Variants in XPO1 observed in about 807,000 individuals in gnomAD.
The protein encoded by XPO1 is exportin 1, also known as exportin-1.
XPO1 carries 5 observed loss-of-function variants against 133.3 expected under a neutral mutation model. That is an observed-to-expected ratio of 0.04 (90% CI 0.02 to 0.08). The LOEUF (loss-of-function observed/expected upper bound fraction) is 0.08. Ranked by LOEUF, XPO1 falls within the 10% of genes least tolerant of loss-of-function variation. The pLI, the probability that XPO1 is intolerant of heterozygous loss-of-function variation, is 1.00. For synonymous variants in XPO1, 419 were observed against 408.2 expected, an observed-to-expected ratio of 1.03 and a Z score of -0.32; for missense variants, 506 against 1,267.5, an observed-to-expected ratio of 0.40 and a Z score of 9.12.
intron 23 of XPO1, among the ~76,000 whole-genome samples, chr2:61,482,033 C>CTTTTTTTTTGTTTTTTTTTTTTTTTTTTT (rs1491506588): frequency 1.2e-5 from 1 of 86,820 alleles, no homozygotes; most frequent in African/African-American, 3.6e-5. Flanking sequence ...CCGTGCGTGG[C>CTTTTTTTTTGTTTTTTTTTTTTTTTTTTT]CTTTTTTTTT....
intron 4 of XPO1, among the ~76,000 whole-genome samples, chr2:61,507,641 G>A (rs905002906): frequency 2.0e-5 from 3 of 152,068 alleles, no homozygotes; most frequent in African/African-American, 7.2e-5. Flanking sequence ...ACTTTGGGAG[G>A]CTGAGGTGGG....
chr2:61,530,988 T>C (rs1435142569), intron 2 of XPO1, among the ~76,000 whole-genome samples: 2 of 152,168 alleles, frequency 1.3e-5, no homozygotes, highest in Non-Finnish European at 2.9e-5. Flanking sequence ...CAATCTCTTG[T>C]AGGACAGGTC....
At chr2:61,532,943 C>A (rs548825362) in intron 2 of XPO1, among the ~76,000 whole-genome samples, 1 of 151,972 alleles carries the variant, frequency 6.6e-6, no homozygotes, top group Non-Finnish European at 1.5e-5. Flanking sequence ...TTTGGGAGGC[C>A]GAGTCAGGTG....
At chr2:61,485,998 T>G in intron 19 of XPO1, 36 bp from the exon 20 acceptor site, 1 of 1,554,284 alleles carries the variant, frequency 6.4e-7, no homozygotes, top group Non-Finnish European at 8.8e-7. Context: ...TGTTTTAATT[T>G]AGGTACATGG....
At chr2:61,481,353 G>T in intron 23 of XPO1, 72 bp from the exon 24 acceptor site, 1 of 1,178,892 alleles carries the variant, frequency 8.5e-7, no homozygotes, top group Non-Finnish European at 1.2e-6. Context: ...TCTGTCACCA[G>T]GCTGGAGTAC....
chr2:61,478,583 T>C lies in XPO1; in HGVS notation c.*237A>G. ...CAAAAATGGGCATGAAGTAAAATTT[T>C]TAAAAATGCCTTAATTTTCAACTTC... On this transcript the variant is annotated 3_prime_UTR_variant, in exon 25 of 25. Coordinates refer to ENST00000401558, the MANE Select transcript of XPO1 (RefSeq NM_003400.4). 2 of 447,546 alleles carry C rather than the reference T, an allele frequency of 4.5e-6. No individual in the cohort carries two copies. The highest frequency in any genetic ancestry group is 7.5e-6 in the Non-Finnish European group (2 of 266,426). 27.7% of individuals were successfully genotyped at this position (447,546 alleles called of 1,614,324 possible). A position where few individuals can be genotyped will look rare whatever the true frequency, so the allele number is the denominator to read the frequency against.
chr2:61,490,464 G>T (rs1427009860), intron 17 of XPO1, among the ~76,000 whole-genome samples, 178 bp downstream of exon 17: 1 of 152,144 alleles, frequency 6.6e-6, no homozygotes, highest in African/African-American at 2.4e-5. Context: ...CTTCCAATGT[G>T]CCAGGATTAC....
intron 4 of XPO1, among the ~76,000 whole-genome samples, chr2:61,508,611 C>A (rs1350833145): frequency 2.0e-5 from 3 of 152,202 alleles, no homozygotes; most frequent in Non-Finnish European, 2.9e-5. Flanking sequence ...TCTTATCCCT[C>A]AGAAACACCT....
At chr2:61,537,288 A>G (rs1443901075) in intron 1 of XPO1, among the ~76,000 whole-genome samples, 1 of 150,330 alleles carries the variant, frequency 6.7e-6, no homozygotes, top group East Asian at 2.0e-4. Context: ...CTTCACTATC[A>G]CACTCCTCGC....
chr2:61,485,822 T>C lies in XPO1; in HGVS notation c.2454A>G (p.Glu818=). 9 of 1,613,932 alleles carry C rather than the reference T, an allele frequency of 5.6e-6. No individual in the cohort carries two copies. Among genetic ancestry groups the C allele is most frequent in the Non-Finnish European group, 7.6e-6 (9 of 1,179,910 alleles). The change falls in exon 20 of 25, where the codon GAA becomes GAG. Residue 818 remains glutamate (E), a synonymous_variant. Coordinates refer to ENST00000401558, the MANE Select transcript of XPO1 (RefSeq NM_003400.4). ...VNKLGGHITA[E]IPQIFDAVFE... is the part of the protein sequence containing the mutation. Reference sequence around the variant, plus strand: ...AAACAGCATCAAATATTTGAGGTATTTCAGCTGTTATATGTCCCCCTAACT... The same window carrying C: ...AAACAGCATCAAATATTTGAGGTATCTCAGCTGTTATATGTCCCCCTAACT...
chr2:61,501,924 T>C, intron 6 of XPO1, 72 bp downstream of exon 6: 1 of 1,302,096 alleles, frequency 7.7e-7, no homozygotes, highest in South Asian at 1.4e-5. Context: ...CTTTATTTCC[T>C]AAGTAGGTCG....
chr2:61,531,895 C>G (rs2104827827), intron 2 of XPO1, among the ~76,000 whole-genome samples: 1 of 152,254 alleles, frequency 6.6e-6, no homozygotes, highest in South Asian at 2.1e-4. Context: ...TAAACCTGGG[C>G]TAACAAGCTT....
intron 23 of XPO1, among the ~76,000 whole-genome samples, chr2:61,482,034 CTTTTTTTT>C (rs1195049382): frequency 0.036 from 2,556 of 71,486 alleles, 122 homozygotes; most frequent in African/African-American, 0.12. Flanking sequence ...CGTGCGTGGC[CTTTTTTTT>C]TTTTTTTTTT....
At chr2:61,490,512 A>G (rs1314360183) in intron 17 of XPO1, 130 bp downstream of exon 17, 1 of 1,307,464 alleles carries the variant, frequency 7.6e-7, no homozygotes, top group Non-Finnish European at 1.1e-6. Flanking sequence ...ATAATAAATT[A>G]TAGAAAGACA....
intron 3 of XPO1, chr2:61,525,399 GA>G (rs937924077): frequency 1.0e-4 from 99 of 984,166 alleles, no homozygotes; most frequent in Admixed American, 6.8e-4. Flanking sequence ...CATCTTTAAA[GA>G]AAAAAAAATG....
At chr2:61,493,425 T>G in intron 12 of XPO1, 1 of 191,398 alleles carries the variant, frequency 5.2e-6, no homozygotes. Context: ...GAGAATTGCT[T>G]TAGTCTAGGA....
chr2:61,527,805 A>C (rs1698970394), intron 2 of XPO1, among the ~76,000 whole-genome samples: 1 of 152,082 alleles, frequency 6.6e-6, no homozygotes, highest in Non-Finnish European at 1.5e-5. Context: ...CAGAAATACT[A>C]ATCTACGTAG....
chr2:61,502,140 C>T (rs1421912462), intron 5 of XPO1, 100 bp from the exon 6 acceptor site: 1 of 1,499,682 alleles, frequency 6.7e-7, no homozygotes. Flanking sequence ...CTGTAAATGA[C>T]TGACTGTGCA....
intron 9 of XPO1, among the ~76,000 whole-genome samples, chr2:61,497,615 C>T (rs1327694094): frequency 1.3e-5 from 2 of 152,154 alleles, no homozygotes; most frequent in Non-Finnish European, 2.9e-5. Flanking sequence ...TGTGTAATTA[C>T]ACAGGACCTA....
Sources: gnomAD v4.1 joint callset for allele counts (sites outside exome capture counted in the v4.1 genomes callset) on GRCh38, gnomAD v4.1.1 for gene constraint, MANE v1.5 for transcripts, NCBI Gene and HGNC (gene_info 2026-07-23, HGNC 2026-07-21) for gene names.